The following SETD1A variants were observed in gnomAD, a reference collection of about 807,000 sequenced individuals.
The protein encoded by SETD1A is SET domain containing 1A, histone lysine methyltransferase, also known as histone-lysine N-methyltransferase SETD1A.
SETD1A carries 29 observed loss-of-function variants against 149.9 expected under a neutral mutation model. The ratio of observed to expected loss-of-function variants is 0.19; its 90% CI spans 0.14 to 0.26. SETD1A has a LOEUF of 0.26. Ranked by LOEUF, SETD1A falls within the 10% of genes least tolerant of loss-of-function variation. The probability of loss-of-function intolerance (pLI) is 1.00; values close to 1 mark genes in which losing one functional copy is unlikely to be tolerated. For synonymous variants in SETD1A, 1,141 were observed against 968.5 expected, an observed-to-expected ratio of 1.18 and a Z score of -3.31; for missense variants, 2,109 against 2,353.1, an observed-to-expected ratio of 0.90 and a Z score of 2.15.
rs930411517 is a variant in SETD1A at position 30,966,937 on chromosome 16, G to A, written c.2559G>A (p.Thr853=). ...CCAAGGAGGAGGATAAAGAGAAGAC[G>A]AAGCTGAAGGAGCCTGGCCTGCTGT... ...QQAKEEDKEK[T]KLKEPGLLSL... Residue 853 remains threonine, a synonymous_variant, in exon 9 of 19, where the codon ACG becomes ACA. Coordinates refer to ENST00000262519, the MANE Select transcript of SETD1A (RefSeq NM_014712.3). The A allele has an allele frequency of 2.4e-5, 38 of 1,577,606 alleles. No individual in the cohort carries two copies. The highest frequency in any genetic ancestry group is 1.7e-4 in the Middle Eastern group (1 of 6,048).
intron 3 of SETD1A, 23 bp downstream of exon 3, chr16:30,959,209 G>T (rs1478878326): frequency 6.8e-7 from 1 of 1,459,998 alleles, no homozygotes; most frequent in Non-Finnish European, 9.6e-7. Context: ...TGGGCTCCTG[G>T]TGTGGTAGTC....
At chr16:30,969,172 G>T in intron 10 of SETD1A, 133 bp from the exon 11 acceptor site, 1 of 910,218 alleles carries the variant, frequency 1.1e-6, no homozygotes, top group Non-Finnish European at 1.7e-6. Context: ...TTCCTCTGGT[G>T]AGCTTCCAAA....
Position 30,966,070 on chromosome 16 carries a change from A to C in SETD1A, c.2189A>C (p.Tyr730Ser). ...CAGGAGGCAGCCTACGGCTTGCCGT[A>C]TGCTCTATATGCACAGGGGCAGGAG... ...PPQEAAYGLP[Y>S]ALYAQGQEGR... The change falls in exon 8 of 19, where the codon TAT becomes TCT. Residue 730 changes from tyrosine (Y) to serine (S), a missense_variant. Physicochemically the swap from Tyr to Ser is moderately radical, Grantham distance 144. Coordinates refer to ENST00000262519, the MANE Select transcript of SETD1A (RefSeq NM_014712.3). The C allele has an allele frequency of 6.3e-7, 1 of 1,581,920 alleles. No individual in the cohort carries two copies. Among genetic ancestry groups the C allele is most frequent in the Non-Finnish European group, 8.6e-7 (1 of 1,162,558 alleles).
In SETD1A at chr16:30,965,990, A is replaced by T; in HGVS notation, c.2109A>T (p.Ser703=). 3 of 1,582,428 alleles carry T rather than the reference A, an allele frequency of 1.9e-6. No homozygotes were observed. In the South Asian group the frequency reaches 3.5e-5, roughly 18 times the overall value. ...LRQGKGLIAA[S]AGPPGGAFGE... ...AGGGCAAGGGATTGATTGCCGCCTC[A>T]GCTGGCCCCCCCGGTGGGGCCTTTG... Residue 703 remains serine (S), a synonymous_variant, in exon 8 of 19, where the codon TCA becomes TCT. Transcript: ENST00000262519.
In SETD1A at chr16:30,964,814, C is replaced by G; in HGVS notation, c.1072C>G (p.Gln358Glu). The G allele has an allele frequency of 6.2e-7, 1 of 1,614,164 alleles. No homozygotes were observed. ...GTCATCCTCTTCCTCCTCGTCCTCT[C>G]AGTTTCGTAGTTCTGATGCAAACTA... ...SSSSSSSSSSQFRSSDANYPA... is the reference protein window; with the variant it reads ...SSSSSSSSSSEFRSSDANYPA... Residue 358 changes from glutamine (Q) to glutamate (E), a missense_variant, in exon 7 of 19, where the codon CAG becomes GAG. By Grantham distance (29) the Gln-to-Glu change is conservative. Around this residue, in one of 8 missense-constraint regions of SETD1A, gnomAD observed 410 missense variants for 394.8 expected, o/e 1.04. Transcript: ENST00000262519.
At chr16:30,968,632 C>T (rs2056183534) in intron 10 of SETD1A, among the ~76,000 whole-genome samples, 1 of 151,802 alleles carries the variant, frequency 6.6e-6, no homozygotes, top group South Asian at 2.1e-4. Flanking sequence ...GAAACCCCGT[C>T]TCTACTAACA....
Position 30,964,840 on chromosome 16 carries a change from C to T in SETD1A, c.1098C>T (p.Tyr366=), listed in dbSNP as rs190207215. ...AGTTTCGTAGTTCTGATGCAAACTA[C>T]CCAGCGTATTATGAAAGCTGGAATC... ...SSQFRSSDAN[Y]PAYYESWNRY... The change falls in exon 7 of 19, where the codon TAC becomes TAT. Residue 366 remains tyrosine, a synonymous_variant. Coordinates refer to ENST00000262519, the MANE Select transcript of SETD1A (RefSeq NM_014712.3). The T allele has an allele frequency of 3.1e-5, 50 of 1,614,212 alleles. No homozygotes were observed. In the Admixed American group the frequency reaches 5.0e-4, roughly 16 times the overall value.
chr16:30,963,479 C>T lies in SETD1A; in HGVS notation c.564C>T (p.Tyr188=). ...ATGAACTAATTGTCAATGGCTCCTA[C>T]ACCCCTCAGACTGTGCCCACTGGGG... The part of the protein sequence containing the change: ...KYYELIVNGS[Y]TPQTVPTGGK... Residue 188 remains tyrosine, a synonymous_variant, in exon 5 of 19, where the codon TAC becomes TAT. Transcript: ENST00000262519. The T allele has an allele frequency of 6.2e-7, 1 of 1,613,300 alleles. No individual in the cohort carries two copies. Among genetic ancestry groups the T allele is most frequent in the Non-Finnish European group, 8.5e-7 (1 of 1,179,512 alleles).
At chr16:30,966,787 G>T in intron 8 of SETD1A, 97 bp from the exon 9 acceptor site, 1 of 1,340,262 alleles carries the variant, frequency 7.5e-7, no homozygotes, top group South Asian at 1.5e-5. Flanking sequence ...GCAGCAAGTA[G>T]ATGCGTTCTG....
chr16:30,963,989 C>G (rs1349944450), intron 5 of SETD1A, 105 bp from the exon 6 acceptor site: 2 of 925,354 alleles, frequency 2.2e-6, no homozygotes, highest in African/African-American at 1.7e-5. Flanking sequence ...GAGACTCCGT[C>G]TCAAAAAAAA....
rs752277755 is a variant in SETD1A, at chr16:30,965,315, G to C, written c.1573G>C (p.Asp525His). ...CAGCAGCATGGTCCTTGGGGCCAGA[G>C]ATACAGGGAGTGAGGTGCCTTCTGG... The part of the protein sequence containing the change: ...ENSSMVLGAR[D>H]TGSEVPSGSG... The change falls in exon 7 of 19, where the codon GAT (aspartate) becomes CAT (histidine). Residue 525 changes from aspartate to histidine, a missense_variant. This residue lies in a region of SETD1A where 431 missense variants were observed against 388.6 expected (regional missense o/e 1.11). Transcript: ENST00000262519. The C allele has an allele frequency of 3.7e-6, 6 of 1,614,246 alleles. No individual in the cohort carries two copies. The Admixed American group carries it at 5.0e-5, about 13-fold the overall frequency.
rs1385092314 is a variant in SETD1A, at chr16:30,965,742, C to A, written c.1861C>A (p.Leu621Ile). ...GCCTCCTCCTCCCTACCTGGCGTCC[C>A]TTCCTCTTGGTTATCCTCCCCACCA... ...PPPPPPYLAS[L>I]PLGYPPHQPA... Residue 621 changes from leucine (L) to isoleucine (I), a missense_variant, in exon 8 of 19, where the codon CTT (leucine) becomes ATT (isoleucine). Physicochemically the swap from Leu to Ile is conservative, Grantham distance 5 (BLOSUM62 2). Around this residue, in one of 8 missense-constraint regions of SETD1A, gnomAD observed 431 missense variants for 388.6 expected, o/e 1.11. Transcript: ENST00000262519. The A allele has an allele frequency of 1.3e-6, 2 of 1,585,950 alleles. No homozygotes were observed. Among genetic ancestry groups the A allele is most frequent in the Non-Finnish European group, 8.6e-7 (1 of 1,165,924 alleles).
Position 30,961,642 on chromosome 16 carries a change from G to A in SETD1A, c.517+105G>A. 2.0e-6 allele frequency: 2 copies of A among 997,288 alleles called. No homozygotes were observed. Among genetic ancestry groups the A allele is most frequent in the Non-Finnish European group, 3.0e-6 (2 of 663,700 alleles). The allele number at this position is 997,288 out of a possible 1,614,324, so 61.8% of individuals were successfully genotyped here. A position where few individuals can be genotyped will look rare whatever the true frequency, so the allele number is the denominator to read the frequency against. Reference sequence around the variant, plus strand: ...GCGCCCAGGGTCATGATCTGAAACTGCTGGGGCCAGTTGTGTTTCTGAAAT... The same window carrying A: ...GCGCCCAGGGTCATGATCTGAAACTACTGGGGCCAGTTGTGTTTCTGAAAT... On this transcript the variant is annotated intron_variant, in intron 4 of 18. Transcript: ENST00000262519. This position sits in a 1 kb window ranked among gnomAD's most constrained non-coding sequence, Gnocchi z 4.0.
At chr16:30,959,700 T>C (rs2056021676) in intron 3 of SETD1A, among the ~76,000 whole-genome samples, 1 of 152,084 alleles carries the variant, frequency 6.6e-6, no homozygotes, top group Non-Finnish European at 1.5e-5. Context: ...TCTGATTCTT[T>C]ATTCTTCCTT....
In SETD1A at chr16:30,958,751, G is replaced by A; in HGVS notation, c.20G>A (p.Gly7Glu). The part of the protein sequence containing the change: MDQEGG[G>E]DGQKAPSFQW... ...GCAAAGATGGATCAGGAAGGTGGGGGAGATGGGCAGAAGGCCCCGAGCTTC... is the reference window on the plus strand; with the variant it reads ...GCAAAGATGGATCAGGAAGGTGGGGAAGATGGGCAGAAGGCCCCGAGCTTC... Residue 7 changes from glycine (G) to glutamate (E), a missense_variant, in exon 2 of 19, where the codon GGA becomes GAA. Gly to Glu is a moderately conservative substitution (Grantham distance 98, BLOSUM62 -2). Around this residue, in one of 8 missense-constraint regions of SETD1A, gnomAD observed 75 missense variants for 95.3 expected, o/e 0.79. Coordinates refer to ENST00000262519, the MANE Select transcript of SETD1A (RefSeq NM_014712.3). The A allele has an allele frequency of 6.2e-7, 1 of 1,614,178 alleles. No individual in the cohort carries two copies. The highest frequency in any genetic ancestry group is 8.5e-7 in the Non-Finnish European group (1 of 1,180,010).
At position 30,971,717 on chromosome 16, in the gene SETD1A, C is replaced by T. The variant is rs1233072414; in HGVS notation, c.3356C>T (p.Ala1119Val). The T allele has an allele frequency of 1.3e-6, 2 of 1,558,610 alleles. No homozygotes were observed. Among genetic ancestry groups the T allele is most frequent in the African/African-American group, 1.4e-5 (1 of 73,436 alleles). Residue 1119 changes from alanine (A) to valine (V), a missense_variant and splice_region_variant, in exon 13 of 19, where the codon GCA (alanine) becomes GTA (valine). Transcript: ENST00000262519. Reference protein sequence around the residue: ...PEQEASPARPAGPTEESPPSA... With the variant: ...PEQEASPARPVGPTEESPPSA... The stretch of plus-strand genomic sequence containing the variant: ...CAGGAGGCGTCTCCAGCAAGGCCTG[C>T]AGGTAGGTGCCACAGGGCTGTCGGT...
intron 2 of SETD1A, 83 bp downstream of exon 2, chr16:30,958,964 G>T: frequency 1.9e-6 from 3 of 1,559,442 alleles, no homozygotes; most frequent in South Asian, 2.2e-5. Flanking sequence ...TAGAACGGTA[G>T]CCTGCCTTCT....
intron 13 of SETD1A, among the ~76,000 whole-genome samples, chr16:30,975,182 C>T (rs942766217): frequency 3.3e-5 from 5 of 150,728 alleles, no homozygotes; most frequent in African/African-American, 9.7e-5. Context: ...TGCTGGCAGG[C>T]GCCTGTAATC....
intron 3 of SETD1A, among the ~76,000 whole-genome samples, chr16:30,960,828 C>T (rs1033472703): frequency 1.4e-5 from 2 of 148,034 alleles, no homozygotes; most frequent in Non-Finnish European, 1.5e-5. Context: ...CTCTGCCTGC[C>T]AGGTTCAAGT....
Sources: allele counts gnomAD v4.1 joint callset (sites outside exome capture counted in the v4.1 genomes callset), GRCh38; gene constraint gnomAD v4.1.1; regional missense constraint gnomAD v4.1.1; non-coding constraint Gnocchi (gnomAD v3.1); transcripts MANE v1.5; gene names NCBI Gene and HGNC (gene_info 2026-07-23, HGNC 2026-07-21).